Variants in C11orf87 observed in about 807,000 individuals in gnomAD.
C11orf87 encodes the protein chromosome 11 open reading frame 87.
C11orf87 carries 3 observed loss-of-function variants against 9.2 expected under a neutral mutation model. That is an observed-to-expected ratio of 0.33 (90% confidence interval 0.15 to 0.84). The LOEUF (loss-of-function observed/expected upper bound fraction) is 0.84, where lower values mean the gene tolerates loss of function less well. C11orf87 is among the 40% of genes least tolerant of loss of function. The pLI, the probability that C11orf87 is intolerant of heterozygous loss-of-function variation, is 0.55. For synonymous variants in C11orf87, 124 were observed against 124.6 expected (o/e 1.00, Z 0.03); for missense variants, 256 against 270.7 (o/e 0.95, Z 0.38).
At position 109,423,514 on chromosome 11, in the gene C11orf87, C is replaced by G. The variant is rs1284540114; in HGVS notation, c.-120C>G. On this transcript the variant is annotated 5_prime_UTR_variant, in exon 2 of 2. Transcript: ENST00000327419. This position sits in a 1 kb window ranked among gnomAD's most constrained non-coding sequence, Gnocchi z 5.3. ...CTTAGTCCTTGGCTCGCTCGCACACCCCCTCCCGCTACAGGGAGCAGTTTT... is the reference window on the plus strand; with the variant it reads ...CTTAGTCCTTGGCTCGCTCGCACACGCCCTCCCGCTACAGGGAGCAGTTTT... 3 of 1,047,316 alleles carry G rather than the reference C, an allele frequency of 2.9e-6. No homozygotes were observed. The African/African-American group carries it at 4.8e-5, about 17-fold the overall frequency. 64.9% of individuals were successfully genotyped at this position (1,047,316 alleles called of 1,614,324 possible).
In C11orf87 at chr11:109,428,614, T is replaced by C. The variant is rs961985787; in HGVS notation, c.*4387T>C. ...AATTTGAATCTGAAAGGCCTACTTA[T>C]TTGGGCCATTTTTTGTTGGAACTTG... On this transcript the variant is annotated 3_prime_UTR_variant, in exon 2 of 2. Transcript: ENST00000327419. 1 of 152,182 alleles carries C rather than the reference T, an allele frequency of 6.6e-6. No homozygotes were observed. Among genetic ancestry groups the C allele is most frequent in the Non-Finnish European group, 1.5e-5 (1 of 67,988 alleles). The allele number at this position is 152,182 out of a possible 1,614,324, so 9.4% of individuals were successfully genotyped here.
rs1472564745 is a variant in C11orf87 at position 109,426,211 on chromosome 11, A to C, written c.*1984A>C. 1.3e-5 allele frequency: 2 copies of C among 152,204 alleles called. No individual in the cohort carries two copies. Among genetic ancestry groups the C allele is most frequent in the Non-Finnish European group, 2.9e-5 (2 of 68,038 alleles). The allele number at this position is 152,204 out of a possible 1,614,324, so 9.4% of individuals were successfully genotyped here. A position where few individuals can be genotyped will look rare whatever the true frequency, so the allele number is the denominator to read the frequency against. On this transcript the variant is annotated 3_prime_UTR_variant, in exon 2 of 2. Coordinates refer to ENST00000327419, the MANE Select transcript of C11orf87 (RefSeq NM_207645.4). Reference sequence around the variant, plus strand: ...CAAATTTTTGGAAAATGTATGAATGAAAGTGATCTGCAAAAAGCTCTACCA... The same window carrying C: ...CAAATTTTTGGAAAATGTATGAATGCAAGTGATCTGCAAAAAGCTCTACCA...
Position 109,426,153 on chromosome 11 carries a change from C to T in C11orf87, c.*1926C>T, listed in dbSNP as rs1038473369. ...CAATATTAATTATATGCAGTGACAT[C>T]TCTTCTTGGAAATCAAGCCTTTGAC... On this transcript the variant is annotated 3_prime_UTR_variant, in exon 2 of 2. Transcript: ENST00000327419. 1.3e-5 allele frequency: 2 copies of T among 152,200 alleles called. No individual in the cohort carries two copies. The highest frequency in any genetic ancestry group is 4.8e-5 in the African/African-American group (2 of 41,458). The allele number at this position is 152,200 out of a possible 1,614,324, so 9.4% of individuals were successfully genotyped here.
chr11:109,422,730 T>TC (rs1486507244), intron 1 of C11orf87, among the ~76,000 whole-genome samples: 19 of 142,934 alleles, frequency 1.3e-4, no homozygotes, highest in African/African-American at 4.5e-4. Flanking sequence ...TGCTTTTTTT[T>TC]TTTTTTTTTT....
chr11:109,423,292 G>A lies in C11orf87; in HGVS notation c.-259-83G>A. Reference sequence around the variant, plus strand: ...GCTCAGGCAGTGTGCCCAGAGGGCCGCTTTGCGGTGGTGGTTGATCTTTCC... The same window carrying A: ...GCTCAGGCAGTGTGCCCAGAGGGCCACTTTGCGGTGGTGGTTGATCTTTCC... On this transcript the variant is annotated intron_variant, in intron 1 of 1. Transcript: ENST00000327419. This position sits in a 1 kb window ranked among gnomAD's most constrained non-coding sequence, Gnocchi z 5.3. 1 of 366,282 alleles carries A rather than the reference G, an allele frequency of 2.7e-6. No homozygotes were observed. The highest frequency in any genetic ancestry group is 3.5e-5 in the South Asian group (1 of 28,804). 22.7% of individuals were successfully genotyped at this position (366,282 alleles called of 1,614,324 possible). A position where few individuals can be genotyped will look rare whatever the true frequency, so the allele number is the denominator to read the frequency against.
Position 109,423,565 on chromosome 11 carries a change from T to C in C11orf87, c.-69T>C. 1 of 1,459,636 alleles carries C rather than the reference T, an allele frequency of 6.9e-7. No individual in the cohort carries two copies. The highest frequency in any genetic ancestry group is 1.3e-5 in the South Asian group (1 of 77,118). The allele number at this position is 1,459,636 out of a possible 1,614,324, so 90.4% of individuals were successfully genotyped here. ...GGGTGGCGTGGGCTCCGTCCTCTTC[T>C]TGGCTGGTAGGAACGGTGTGCCCAA... On this transcript the variant is annotated 5_prime_UTR_variant, in exon 2 of 2. Transcript: ENST00000327419. This position sits in a 1 kb window ranked among gnomAD's most constrained non-coding sequence, Gnocchi z 5.3.
rs1860531537 is a variant in C11orf87 at position 109,423,906 on chromosome 11, G to A, written c.273G>A (p.Lys91=). 6.2e-7 allele frequency: 1 copy of A among 1,614,126 alleles called. No individual in the cohort carries two copies. Among genetic ancestry groups the A allele is most frequent in the Non-Finnish European group, 8.5e-7 (1 of 1,179,960 alleles). The change falls in exon 2 of 2, where the codon AAG becomes AAA. Residue 91 remains lysine, a synonymous_variant. Coordinates refer to ENST00000327419, the MANE Select transcript of C11orf87 (RefSeq NM_207645.4). The surrounding 1 kb of genome is among the most constrained non-coding windows in gnomAD (Gnocchi z 5.3). ...TFHIHKRRMK[K]RKMQRAQEEY... Reference sequence around the variant, plus strand: ...ACATCCACAAGCGTAGGATGAAGAAGCGGAAGATGCAGAGGGCTCAGGAGG... The same window carrying A: ...ACATCCACAAGCGTAGGATGAAGAAACGGAAGATGCAGAGGGCTCAGGAGG...
intron 1 of C11orf87, among the ~76,000 whole-genome samples, chr11:109,422,722 C>CTTGTTTTTTT (rs1860508420): frequency 1.4e-5 from 1 of 71,414 alleles, no homozygotes; most frequent in African/African-American, 6.9e-5. Context: ...GCTTCAGCTG[C>CTTGTTTTTTT]TTTTTTTTTT....
Position 109,422,658 on chromosome 11 carries a change from C to T in C11orf87, c.-260+395C>T, listed in dbSNP as rs1418339742. On this transcript the variant is annotated intron_variant, in intron 1 of 1. Coordinates refer to ENST00000327419, the MANE Select transcript of C11orf87 (RefSeq NM_207645.4). The stretch of plus-strand genomic sequence containing the variant: ...GCAGGCTACTGCCAAGTTGGGGGCA[C>T]AGGGAAATGGGGAGGAGGGGGCCGT... 4.1e-5 allele frequency among the ~76,000 whole-genome samples: 6 copies of T among 146,090 alleles called. No individual in the cohort carries two copies. The East Asian group carries it at 1.0e-3, about 25-fold the overall frequency.
In C11orf87 at chr11:109,424,082, C is replaced by T. The variant is rs1860536864; in HGVS notation, c.449C>T (p.Ser150Phe). Reference sequence around the variant, plus strand: ...GCCCCTTCCAACGCCTCGTCGTTGTCCTCTTCGTCCCCTGGCCTCCCGTGC... The same window carrying T: ...GCCCCTTCCAACGCCTCGTCGTTGTTCTCTTCGTCCCCTGGCCTCCCGTGC... ...FCAPSNASSL[S>F]SSSPGLPCQG... Residue 150 changes from serine to phenylalanine, a missense_variant, in exon 2 of 2, where the codon TCC becomes TTC. Transcript: ENST00000327419. This position sits in a 1 kb window ranked among gnomAD's most constrained non-coding sequence, Gnocchi z 4.7. The T allele has an allele frequency of 1.2e-6, 2 of 1,613,820 alleles. No homozygotes were observed. The highest frequency in any genetic ancestry group is 1.7e-6 in the Non-Finnish European group (2 of 1,180,030).
In C11orf87 at chr11:109,424,044, C is replaced by T. The variant is rs568040770; in HGVS notation, c.411C>T (p.Asp137=). The T allele has an allele frequency of 6.2e-7, 1 of 1,613,886 alleles. No homozygotes were observed. Among genetic ancestry groups the T allele is most frequent in the Non-Finnish European group, 8.5e-7 (1 of 1,180,028 alleles). ...CCCGGCTGGAGAGGCAGCCCCGGGA[C>T]TCTCCCTTCTGCGCCCCTTCCAACG... ...KETRLERQPR[D]SPFCAPSNAS... Residue 137 remains aspartate (D), a synonymous_variant, in exon 2 of 2, where the codon GAC becomes GAT. Coordinates refer to ENST00000327419, the MANE Select transcript of C11orf87 (RefSeq NM_207645.4). This position sits in a 1 kb window ranked among gnomAD's most constrained non-coding sequence, Gnocchi z 4.7.
rs2134827610 is a variant in C11orf87, at chr11:109,425,299, G to A, written c.*1072G>A. ...TTACCTTTTTTGTAAAAAAAAAAAA[G>A]TATTAGGTGATGTGCAGTACTGAAA... On this transcript the variant is annotated 3_prime_UTR_variant, in exon 2 of 2. Transcript: ENST00000327419. 1 of 165,862 alleles carries A rather than the reference G, an allele frequency of 6.0e-6. No homozygotes were observed. Among genetic ancestry groups the A allele is most frequent in the African/African-American group, 2.4e-5 (1 of 41,030 alleles). 10.3% of individuals were successfully genotyped at this position (165,862 alleles called of 1,614,324 possible). A position where few individuals can be genotyped will look rare whatever the true frequency, so the allele number is the denominator to read the frequency against.
rs377125580 is a variant in C11orf87 at position 109,423,599 on chromosome 11, G to A, written c.-35G>A. On this transcript the variant is annotated 5_prime_UTR_variant, in exon 2 of 2. Coordinates refer to ENST00000327419, the MANE Select transcript of C11orf87 (RefSeq NM_207645.4). The surrounding 1 kb of genome is among the most constrained non-coding windows in gnomAD (Gnocchi z 5.3). ...AGGAACGGTGTGCCCAAGAGGGGAA[G>A]CCTAGTGGGCCTGGCCCCTCCCAGC... The A allele has an allele frequency of 1.1e-3, 1,662 of 1,548,164 alleles. 1 individual carries two copies. The highest frequency in any genetic ancestry group is 1.3e-3 in the Non-Finnish European group (1,539 of 1,155,738).
At position 109,428,722 on chromosome 11, in the gene C11orf87, G is replaced by A. The variant is rs1860604226; in HGVS notation, c.*4495G>A. The A allele has an allele frequency of 6.6e-6, 1 of 152,158 alleles. No homozygotes were observed. Among genetic ancestry groups the A allele is most frequent in the Non-Finnish European group, 1.5e-5 (1 of 68,002 alleles). 9.4% of individuals were successfully genotyped at this position (152,158 alleles called of 1,614,324 possible). Reference sequence around the variant, plus strand: ...AGAGTGTTTAATCATTGGAATGAATGTAAATCTGATTCTGATTTGGTTATT... The same window carrying A: ...AGAGTGTTTAATCATTGGAATGAATATAAATCTGATTCTGATTTGGTTATT... On this transcript the variant is annotated 3_prime_UTR_variant, in exon 2 of 2. Transcript: ENST00000327419.
Position 109,423,858 on chromosome 11 carries a change from C to T in C11orf87, c.225C>T (p.Ile75=), listed in dbSNP as rs1357330662. Residue 75 remains isoleucine (I), a synonymous_variant, in exon 2 of 2, where the codon ATC becomes ATT. Transcript: ENST00000327419. The surrounding 1 kb of genome is among the most constrained non-coding windows in gnomAD (Gnocchi z 5.3). ...TGGTTACCCTCATCTTCTGCCTCAT[C>T]GTGCTGTCCCTCTCCACTTTCCACA... is the stretch of plus-strand genomic sequence containing the variant. ...IVLVTLIFCL[I]VLSLSTFHIH... The T allele has an allele frequency of 1.4e-5, 23 of 1,614,156 alleles. No individual in the cohort carries two copies. Among genetic ancestry groups the T allele is most frequent in the Non-Finnish European group, 1.9e-5 (22 of 1,179,968 alleles).
Position 109,428,756 on chromosome 11 carries a change from A to G in C11orf87, c.*4529A>G, listed in dbSNP as rs1244432530. On this transcript the variant is annotated 3_prime_UTR_variant, in exon 2 of 2. Transcript: ENST00000327419. The stretch of plus-strand genomic sequence containing the variant: ...ATTCTGATTTGGTTATTTATTTGAT[A>G]ACATTTGAGAAACAGCTAATGTGGC... 1.3e-5 allele frequency: 2 copies of G among 152,228 alleles called. No individual in the cohort carries two copies. The highest frequency in any genetic ancestry group is 4.8e-5 in the African/African-American group (2 of 41,462). 9.4% of individuals were successfully genotyped at this position (152,228 alleles called of 1,614,324 possible).
rs909614941 is a variant in C11orf87 at position 109,426,483 on chromosome 11, CAGA to C, written c.*2260_*2262del. The C allele has an allele frequency of 6.6e-6, 1 of 152,150 alleles. No homozygotes were observed. The highest frequency in any genetic ancestry group is 2.4e-5 in the African/African-American group (1 of 41,430). The allele number at this position is 152,150 out of a possible 1,614,324, so 9.4% of individuals were successfully genotyped here. On this transcript the variant is annotated 3_prime_UTR_variant, in exon 2 of 2. Coordinates refer to ENST00000327419, the MANE Select transcript of C11orf87 (RefSeq NM_207645.4). The stretch of plus-strand genomic sequence containing the variant: ...TAAGATAATCACCTTTCCTGAAGCA[CAGA>C]AGATCATCATTGAAGCATGCCATCT...
At position 109,428,529 on chromosome 11, in the gene C11orf87, A is replaced by G. The variant is rs1428034847; in HGVS notation, c.*4302A>G. ...AAGTTACAGGTTAAAGTAGAACCAGAAATTTTAATATAATCTGATCAGGTT... is the reference window on the plus strand; with the variant it reads ...AAGTTACAGGTTAAAGTAGAACCAGGAATTTTAATATAATCTGATCAGGTT... On this transcript the variant is annotated 3_prime_UTR_variant, in exon 2 of 2. Transcript: ENST00000327419. 2 of 152,146 alleles carry G rather than the reference A, an allele frequency of 1.3e-5. No homozygotes were observed. The highest frequency in any genetic ancestry group is 2.9e-5 in the Non-Finnish European group (2 of 67,976). The allele number at this position is 152,146 out of a possible 1,614,324, so 9.4% of individuals were successfully genotyped here.
rs188749508 is a variant in C11orf87, at chr11:109,426,600, G to A, written c.*2373G>A. ...TCTCCAGTGCCTTAGTCACTTCCTA[G>A]TAATAGGTAAAAGAGTGCATTAACT... On this transcript the variant is annotated 3_prime_UTR_variant, in exon 2 of 2. Transcript: ENST00000327419. The A allele has an allele frequency of 7.5e-3, 1,135 of 152,254 alleles. 12 individuals are homozygous for A. Among genetic ancestry groups the A allele is most frequent in the Non-Finnish European group, 7.2e-3 (488 of 68,032 alleles). The allele number at this position is 152,254 out of a possible 1,614,324, so 9.4% of individuals were successfully genotyped here.
Sources: allele counts gnomAD v4.1 joint callset (sites outside exome capture counted in the v4.1 genomes callset), GRCh38; gene constraint gnomAD v4.1.1; non-coding constraint Gnocchi (gnomAD v3.1); transcripts MANE v1.5; gene names NCBI Gene and HGNC (gene_info 2026-07-23, HGNC 2026-07-21).